SCRIB: variants seen among roughly 807,000 people sequenced by gnomAD.
The protein encoded by SCRIB is protein scribble homolog.
A neutral mutation model predicts 170.0 loss-of-function variants in SCRIB; 72 were observed. The ratio of observed to expected loss-of-function variants is 0.42; its 90% CI spans 0.35 to 0.52. The LOEUF (loss-of-function observed/expected upper bound fraction) is 0.52. Among genes scored for constraint, SCRIB ranks in the 20% least tolerant of loss-of-function variants. SCRIB has a pLI of 0.02. For synonymous variants in SCRIB, 1,298 were observed against 1,044.3 expected, an observed-to-expected ratio of 1.24 and a Z score of -4.68; for missense variants, 2,475 against 2,338.5, an observed-to-expected ratio of 1.06 and a Z score of -1.20.
At chr8:143,812,152 G>A (rs560455018) in intron 9 of SCRIB, 114 bp downstream of exon 9, 60 of 777,562 alleles carry the variant, frequency 7.7e-5, no homozygotes, top group Non-Finnish European at 1.3e-4. Flanking sequence ...TTCCTGAGTG[G>A]CTCCACGTCA....
At chr8:143,804,195 G>A (rs782491356) in intron 21 of SCRIB, 39 bp from the exon 22 acceptor site, 3 of 1,477,124 alleles carry the variant, frequency 2.0e-6, no homozygotes, top group African/African-American at 2.8e-5. Context: ...GCCTCGGTCA[G>A]GACAGGGAAA....
Position 143,793,257 on chromosome 8 carries a change from G to A in SCRIB, c.3910-174C>T, listed in dbSNP as rs566728014. 1.1e-4 allele frequency: 55 copies of A among 497,672 alleles called. No homozygotes were observed. In the South Asian group the frequency reaches 1.2e-3, roughly 11 times the overall value. The allele number at this position is 497,672 out of a possible 1,614,324, so 30.8% of individuals were successfully genotyped here. ...CCCACCCACGGGACAGAGCACTCAC[G>A]GAGTGGGGACAACCTCTGCCCCTGG... On this transcript the variant is annotated intron_variant, in intron 28 of 36. Coordinates refer to ENST00000356994, the MANE Select transcript of SCRIB (RefSeq NM_182706.5).
intron 28 of SCRIB, 166 bp from the exon 29 acceptor site, chr8:143,793,249 G>A: frequency 1.9e-6 from 1 of 514,120 alleles, no homozygotes; most frequent in Non-Finnish European, 3.4e-6. Flanking sequence ...ACGGGACAGA[G>A]CACTCACGGA....
intron 5 of SCRIB, 35 bp downstream of exon 5, chr8:143,813,435 G>C (rs905223333): frequency 6.2e-7 from 1 of 1,613,092 alleles, no homozygotes; most frequent in Non-Finnish European, 8.5e-7. Context: ...CTGTGGCCCT[G>C]CCCTGGCTGT....
At chr8:143,793,302 C>T (rs2129993382) in intron 28 of SCRIB, 2 of 454,250 alleles carry the variant, frequency 4.4e-6, no homozygotes, top group Non-Finnish European at 7.7e-6. Flanking sequence ...AGCCCCTTGG[C>T]CAGGCCTGAG....
In SCRIB at chr8:143,792,060, G is replaced by A. The variant is rs374313960; in HGVS notation, c.4588C>T (p.Arg1530Trp). ...LSRSQEGRGT[R>W]GPLERLAEAP... ...TCGGCCAGTCGCTCCAGGGGCCCCC[G>A]CGTGCCCCGGCCTTCCTGGGACCTG... The change falls in exon 33 of 37, where the codon CGG becomes TGG. Residue 1530 changes from arginine (R) to tryptophan (W), a missense_variant. Arg to Trp is a moderately radical substitution (Grantham distance 101). Transcript: ENST00000356994. 24 of 1,590,212 alleles carry A rather than the reference G, an allele frequency of 1.5e-5. No individual in the cohort carries two copies. Among genetic ancestry groups the A allele is most frequent in the East Asian group, 2.3e-5 (1 of 44,202 alleles).
At chr8:143,811,124 G>A (rs374699316) in intron 10 of SCRIB, 22 bp downstream of exon 10, 26 of 1,598,276 alleles carry the variant, frequency 1.6e-5, no homozygotes, top group East Asian at 1.1e-4. Flanking sequence ...GGTTAGGCCC[G>A]CAGGGCAAGG....
chr8:143,801,906 G>A (rs1248293339), intron 24 of SCRIB, among the ~76,000 whole-genome samples: 4 of 152,194 alleles, frequency 2.6e-5, no homozygotes, highest in Non-Finnish European at 5.9e-5. Flanking sequence ...CGGCAGGCTC[G>A]TGGGGGACCC....
At chr8:143,806,285 G>C (rs1554636526) in intron 18 of SCRIB, 122 bp downstream of exon 18, 1 of 747,882 alleles carries the variant, frequency 1.3e-6, no homozygotes, top group Non-Finnish European at 2.3e-6. Flanking sequence ...CGGAAGTCTG[G>C]GTGTCCTGTG....
chr8:143,794,072 C>T (rs1471760399), intron 27 of SCRIB, 110 bp from the exon 28 acceptor site: 4 of 993,028 alleles, frequency 4.0e-6, no homozygotes, highest in Non-Finnish European at 6.0e-6. Flanking sequence ...CTCTTCAGTT[C>T]CCCAACCTGA....
In SCRIB at chr8:143,792,823, G is replaced by A. The variant is rs138212803; in HGVS notation, c.4062C>T (p.Phe1354=). 4.6e-5 allele frequency: 72 copies of A among 1,550,472 alleles called. 1 individual carries two copies. The African/African-American group carries it at 8.7e-4, about 19-fold the overall frequency. The change falls in exon 30 of 37, where the codon TTC becomes TTT. Residue 1354 remains phenylalanine, a synonymous_variant. Transcript: ENST00000356994. ...GCTCAAAGTACTTCTGCCGCTCCCG[G>A]AAGGACAGCTGCTCCGGGGAGGCTG... is the stretch of plus-strand genomic sequence containing the variant. The part of the protein sequence containing the change: ...GPAASPEQLS[F]RERQKYFELE...
chr8:143,803,494 G>A lies in SCRIB; in HGVS notation c.3492C>T (p.Ser1164=). 1 of 1,601,992 alleles carries A rather than the reference G, an allele frequency of 6.2e-7. No homozygotes were observed. Among genetic ancestry groups the A allele is most frequent in the Non-Finnish European group, 8.5e-7 (1 of 1,179,352 alleles). The part of the protein sequence containing the change: ...GLRLLEVNQQ[S]LLGLTHGEAV... Reference sequence around the variant, plus strand: ...CCTCGCCGTGCGTCAGGCCCAGCAGGCTCTGCTGGTTCACCTCCAACAGCC... The same window carrying A: ...CCTCGCCGTGCGTCAGGCCCAGCAGACTCTGCTGGTTCACCTCCAACAGCC... The change falls in exon 24 of 37, where the codon AGC becomes AGT. Residue 1164 remains serine (S), a synonymous_variant. Coordinates refer to ENST00000356994, the MANE Select transcript of SCRIB (RefSeq NM_182706.5).
Position 143,815,585 on chromosome 8 carries a change from C to A in SCRIB, c.-213G>T, listed in dbSNP as rs1400800036. 1.0e-6 allele frequency: 1 copy of A among 981,550 alleles called. No homozygotes were observed. The highest frequency in any genetic ancestry group is 1.2e-6 in the Non-Finnish European group (1 of 828,416). The allele number at this position is 981,550 out of a possible 1,614,324, so 60.8% of individuals were successfully genotyped here. A position where few individuals can be genotyped will look rare whatever the true frequency, so the allele number is the denominator to read the frequency against. On this transcript the variant is annotated 5_prime_UTR_variant, in exon 1 of 37. Transcript: ENST00000356994. ...GCGGGCCTGGGCAGGGGGCGCGGCC[C>A]GGCGGGTCTCAGACTCTTAGGAAGC...
In SCRIB at chr8:143,803,880, C is replaced by T; in HGVS notation, c.3181G>A (p.Val1061Met). ...GLRVGDRILA[V>M]NGQDVRDATH... ...GCATCCCGCACGTCTTGCCCGTTCA[C>T]TGCCAGGATGCGGTCCCCAACCCGC... The change falls in exon 23 of 37, where the codon GTG (valine) becomes ATG (methionine). Residue 1061 changes from valine to methionine, a missense_variant. Coordinates refer to ENST00000356994, the MANE Select transcript of SCRIB (RefSeq NM_182706.5). 6.3e-7 allele frequency: 1 copy of T among 1,597,880 alleles called. No individual in the cohort carries two copies. The highest frequency in any genetic ancestry group is 2.3e-5 in the East Asian group (1 of 44,222).
chr8:143,795,020 T>G lies in SCRIB; in HGVS notation c.3846+18A>C. ...ACAACAGGACGGAGGTGGGGGGCACTGCACACTGGGCACTCACCCTCTGCA... is the reference window on the plus strand; with the variant it reads ...ACAACAGGACGGAGGTGGGGGGCACGGCACACTGGGCACTCACCCTCTGCA... On this transcript the variant is annotated intron_variant, in intron 27 of 36. Coordinates refer to ENST00000356994, the MANE Select transcript of SCRIB (RefSeq NM_182706.5). The G allele has an allele frequency of 6.2e-7, 1 of 1,606,306 alleles. No homozygotes were observed. Among genetic ancestry groups the G allele is most frequent in the South Asian group, 1.1e-5 (1 of 90,772 alleles).
At position 143,803,493 on chromosome 8, in the gene SCRIB, G is replaced by A. The variant is rs1554635443; in HGVS notation, c.3493C>T (p.Leu1165=). 6.2e-7 allele frequency: 1 copy of A among 1,602,030 alleles called. No individual in the cohort carries two copies. The highest frequency in any genetic ancestry group is 1.7e-4 in the Middle Eastern group (1 of 6,008). Residue 1165 remains leucine (L), a synonymous_variant, in exon 24 of 37, where the codon CTG becomes TTG. Coordinates refer to ENST00000356994, the MANE Select transcript of SCRIB (RefSeq NM_182706.5). ...LRLLEVNQQS[L]LGLTHGEAVQ... is the part of the protein sequence containing the mutation. Reference sequence around the variant, plus strand: ...GCCTCGCCGTGCGTCAGGCCCAGCAGGCTCTGCTGGTTCACCTCCAACAGC... The same window carrying A: ...GCCTCGCCGTGCGTCAGGCCCAGCAAGCTCTGCTGGTTCACCTCCAACAGC...
rs960591835 is a variant in SCRIB, at chr8:143,805,278, C to A, written c.2504G>T (p.Ser835Ile). The change falls in exon 19 of 37, where the codon AGC becomes ATC. Residue 835 changes from serine (S) to isoleucine (I), a missense_variant. Transcript: ENST00000356994. ...CCCCCCTCCCCGCCGCTCTCGGGGG[C>A]TGTAATCATCCTCGGGCCGCAGCGG... is the stretch of plus-strand genomic sequence containing the variant. ...ITPLRPEDDYSPRERRGGGLR... is the reference protein window; with the variant it reads ...ITPLRPEDDYIPRERRGGGLR... 1 of 1,554,844 alleles carries A rather than the reference C, an allele frequency of 6.4e-7. No individual in the cohort carries two copies. Among genetic ancestry groups the A allele is most frequent in the East Asian group, 2.4e-5 (1 of 41,646 alleles).
Position 143,792,008 on chromosome 8 carries a change from G to C in SCRIB, c.4640C>G (p.Ser1547Trp). The change falls in exon 33 of 37, where the codon TCG becomes TGG. Residue 1547 changes from serine to tryptophan, a missense_variant. Ser to Trp is a radical substitution (Grantham distance 177). Transcript: ENST00000356994. ...CCACAGACCTTCCACAGGGGTGGGC[G>C]ACGGGGTGGGCGCAGGGGAAGGGGC... ...AEAPSPAPTP[S>W]PTPVEDLGPQ... The C allele has an allele frequency of 2.0e-6, 3 of 1,534,624 alleles. No individual in the cohort carries two copies. Among genetic ancestry groups the C allele is most frequent in the Non-Finnish European group, 2.6e-6 (3 of 1,143,028 alleles).
intron 8 of SCRIB, 76 bp from the exon 9 acceptor site, chr8:143,812,460 C>A: frequency 8.8e-7 from 1 of 1,136,126 alleles, no homozygotes; most frequent in East Asian, 2.4e-5. Flanking sequence ...CAGAAGCGCC[C>A]TCAAGGCAGA....
Sources: allele counts gnomAD v4.1 joint callset (sites outside exome capture counted in the v4.1 genomes callset), GRCh38; gene constraint gnomAD v4.1.1; transcripts MANE v1.5; gene names NCBI Gene and HGNC (gene_info 2026-07-23, HGNC 2026-07-21).